Variants in STRN3 observed in about 807,000 individuals in gnomAD.
STRN3 encodes the protein striatin 3, also known as striatin-3.
In STRN3, 29 loss-of-function variants were observed where a neutral mutation model predicts 95.6. That is an observed-to-expected ratio of 0.30 (90% confidence interval 0.23 to 0.41). STRN3 has a LOEUF of 0.41. Among genes scored for constraint, STRN3 ranks in the 10% least tolerant of loss-of-function variants. STRN3 has a pLI of 1.00. For synonymous variants in STRN3, 331 were observed against 357.6 expected (o/e 0.93, Z 0.84); for missense variants, 890 against 972.1 (o/e 0.92, Z 1.12).
At chr14:30,967,322 GAGAC>G (rs762405107) in intron 1 of STRN3, among the ~76,000 whole-genome samples, 19 of 151,888 alleles carry the variant, frequency 1.3e-4, no homozygotes, top group South Asian at 2.1e-4. Context: ...AAGAGGCAGA[GAGAC>G]AGAGAGTCAG....
chr14:30,933,280 TAAAAAAAAAA>T (rs35736582), intron 7 of STRN3, among the ~76,000 whole-genome samples: 1 of 22,780 alleles, frequency 4.4e-5, no homozygotes, highest in African/African-American at 1.5e-4. Context: ...CCCTGTTTCA[TAAAAAAAAAA>T]AAAAAAAAAA....
chr14:30,905,148 G>A (rs1432565170), intron 15 of STRN3, among the ~76,000 whole-genome samples: 2 of 152,028 alleles, frequency 1.3e-5, no homozygotes, highest in African/African-American at 4.8e-5. Context: ...ACTGAATGCT[G>A]AGTACATTAA....
chr14:30,943,111 T>A (rs1404568850), intron 5 of STRN3, among the ~76,000 whole-genome samples: 1 of 152,222 alleles, frequency 6.6e-6, no homozygotes, highest in Non-Finnish European at 1.5e-5. Context: ...TTTTTTCCTA[T>A]TATAAATAAG....
At chr14:30,984,013 G>C (rs1481207897) in intron 1 of STRN3, among the ~76,000 whole-genome samples, 2 of 151,780 alleles carry the variant, frequency 1.3e-5, no homozygotes, top group Non-Finnish European at 2.9e-5. Flanking sequence ...GGAAGGGAAG[G>C]AGAGTGGGGA....
chr14:31,012,727 A>G (rs1248305190), intron 1 of STRN3, among the ~76,000 whole-genome samples: 1 of 152,046 alleles, frequency 6.6e-6, no homozygotes, highest in Non-Finnish European at 1.5e-5. Context: ...CCCCGTCTCT[A>G]CTAAAAATAC....
chr14:30,967,300 C>T (rs1167000950), intron 1 of STRN3, among the ~76,000 whole-genome samples: 10 of 140,822 alleles, frequency 7.1e-5, no homozygotes, highest in African/African-American at 2.1e-4. Flanking sequence ...GAAAGAGAGG[C>T]GGTGGTGGGG....
chr14:30,998,057 T>C (rs770754110), intron 1 of STRN3, among the ~76,000 whole-genome samples: 10 of 152,244 alleles, frequency 6.6e-5, no homozygotes, highest in Non-Finnish European at 1.2e-4. Context: ...ACAGTATCCA[T>C]GAAATCCAAT....
chr14:30,997,384 C>T (rs1406785479), intron 1 of STRN3, among the ~76,000 whole-genome samples: 1 of 152,142 alleles, frequency 6.6e-6, no homozygotes, highest in African/African-American at 2.4e-5. Flanking sequence ...GGCCCCTACA[C>T]CCCAGTAGGC....
At chr14:30,929,967 A>ACAAAAAAAAAAAAAC (rs1002618519) in intron 7 of STRN3, among the ~76,000 whole-genome samples, 1 of 91,122 alleles carries the variant, frequency 1.1e-5, no homozygotes, top group East Asian at 3.2e-4. Context: ...AAAAAAAAAA[A>ACAAAAAAAAAAAAAC]AAAAAAAAAA....
chr14:30,985,183 C>T (rs1881620739), intron 1 of STRN3, among the ~76,000 whole-genome samples: 2 of 150,918 alleles, frequency 1.3e-5, no homozygotes, highest in African/African-American at 4.9e-5. Flanking sequence ...AGCCGGGTGC[C>T]TGTAATCCCA....
chr14:30,989,738 G>A (rs369019320), intron 1 of STRN3, among the ~76,000 whole-genome samples: 3 of 151,122 alleles, frequency 2.0e-5, no homozygotes, highest in Non-Finnish European at 4.4e-5. Context: ...GATTACAGGC[G>A]TGAGCCACCG....
At chr14:31,017,665 A>G (rs1357895787) in intron 1 of STRN3, among the ~76,000 whole-genome samples, 1 of 152,188 alleles carries the variant, frequency 6.6e-6, no homozygotes, top group East Asian at 1.9e-4. Context: ...ATATGAATGT[A>G]TTCTGGAAAA....
At chr14:30,921,069 TATACAC>T (rs1445148763) in intron 8 of STRN3, among the ~76,000 whole-genome samples, 1,961 of 119,930 alleles carry the variant, frequency 0.016, 30 homozygotes, top group African/African-American at 0.044. Flanking sequence ...TACACATACA[TATACAC>T]ACACACACAC....
At chr14:30,974,202 C>T (rs10145876) in intron 1 of STRN3, among the ~76,000 whole-genome samples, 152,053 of 152,344 alleles carry the variant, frequency 1, 75,882 homozygotes, top group East Asian at 1. Flanking sequence ...TCCATAATAA[C>T]CTATGAGAAT....
At chr14:31,016,480 A>G (rs1883239942) in intron 1 of STRN3, among the ~76,000 whole-genome samples, 1 of 152,148 alleles carries the variant, frequency 6.6e-6, no homozygotes, top group African/African-American at 2.4e-5. Flanking sequence ...TCTGTATCCA[A>G]GGGTTCCCCA....
chr14:30,955,024 G>C (rs986299450), intron 3 of STRN3, among the ~76,000 whole-genome samples: 1 of 151,710 alleles, frequency 6.6e-6, no homozygotes, highest in Non-Finnish European at 1.5e-5. Flanking sequence ...GGAAAAAGTA[G>C]ACCTTCCATG....
intron 1 of STRN3, among the ~76,000 whole-genome samples, chr14:31,021,151 T>C (rs754574887): frequency 6.6e-6 from 1 of 152,042 alleles, no homozygotes; most frequent in Admixed American, 6.6e-5. Context: ...CAAGTGTGTT[T>C]TGTCAAGGGA....
chr14:30,982,486 T>C (rs374263084), intron 1 of STRN3, among the ~76,000 whole-genome samples: 1 of 152,222 alleles, frequency 6.6e-6, no homozygotes. Flanking sequence ...TTTTTTGTAT[T>C]TTTAGTAGAA....
chr14:30,954,404 A>G (rs1277673944), intron 3 of STRN3, among the ~76,000 whole-genome samples: 1 of 152,074 alleles, frequency 6.6e-6, no homozygotes, highest in Non-Finnish European at 1.5e-5. Context: ...TCTTTCTTAT[A>G]TTGATTTCTT....
Sources: allele counts gnomAD v4.1 joint callset (sites outside exome capture counted in the v4.1 genomes callset), GRCh38; gene constraint gnomAD v4.1.1; transcripts MANE v1.5; gene names NCBI Gene and HGNC (gene_info 2026-07-23, HGNC 2026-07-21).